Variants in CCSER1 observed in about 807,000 individuals in gnomAD.
The protein encoded by CCSER1 is coiled-coil serine rich protein 1.
In CCSER1, 41 loss-of-function variants were observed where a neutral mutation model predicts 82.0. The observed-to-expected ratio is 0.50, with a 90% CI of 0.39 to 0.65. The LOEUF (loss-of-function observed/expected upper bound fraction) is 0.65, where lower values mean the gene tolerates loss of function less well. Among genes scored for constraint, CCSER1 ranks in the 30% least tolerant of loss-of-function variants. CCSER1 has a pLI of 0.00. For missense variants in CCSER1, 1,119 were observed against 1,064.2 expected (o/e 1.05, Z -0.72); for synonymous variants, 414 against 383.9 (o/e 1.08, Z -0.92).
intron 10 of CCSER1, among the ~76,000 whole-genome samples, chr4:91,166,035 C>T (rs538281414): frequency 2.0e-5 from 3 of 152,236 alleles, no homozygotes; most frequent in African/African-American, 7.2e-5. Context: ...ATCTGTAGAT[C>T]GGATCTGTTC....
In CCSER1 at chr4:90,798,805, T is replaced by A. The variant is rs957901415; in HGVS notation, c.2011-16957T>A. ...GTGCTCTCACTCTGGGGGCTTGTAT[T>A]AAGCCCTGACTTTGTTCTCTTGGCT... On this transcript the variant is annotated intron_variant, in intron 7 of 10. Transcript: ENST00000509176. 3.3e-5 allele frequency among the ~76,000 whole-genome samples: 5 copies of A among 152,294 alleles called. No individual in the cohort carries two copies. In the East Asian group the frequency reaches 9.7e-4, roughly 29 times the overall value.
At chr4:90,623,118 C>T (rs890339725) in intron 5 of CCSER1, among the ~76,000 whole-genome samples, 3 of 151,594 alleles carry the variant, frequency 2.0e-5, no homozygotes, top group African/African-American at 7.3e-5. Flanking sequence ...AGCTTCGCCC[C>T]CCAGGTTCAC....
chr4:90,644,768 T>G (rs911352106), intron 6 of CCSER1, among the ~76,000 whole-genome samples: 1 of 151,958 alleles, frequency 6.6e-6, no homozygotes, highest in African/African-American at 2.4e-5. Flanking sequence ...GGCTTCCAGC[T>G]CCATCTATGT....
chr4:90,298,863 G>A (rs1225213026), intron 1 of CCSER1, among the ~76,000 whole-genome samples: 6 of 152,124 alleles, frequency 3.9e-5, no homozygotes, highest in South Asian at 4.1e-4. Flanking sequence ...ACATGGAACC[G>A]TAAGATTATT....
At chr4:90,647,499 A>G (rs971988942) in intron 6 of CCSER1, among the ~76,000 whole-genome samples, 1 of 152,172 alleles carries the variant, frequency 6.6e-6, no homozygotes, top group African/African-American at 2.4e-5. Context: ...TTAAAACATA[A>G]AACTAGAAAT....
At chr4:91,165,931 G>T (rs1248666181) in intron 10 of CCSER1, among the ~76,000 whole-genome samples, 2 of 152,194 alleles carry the variant, frequency 1.3e-5, no homozygotes, top group Non-Finnish European at 2.9e-5. Context: ...CCCTCCATGG[G>T]CTGCACCTAC....
intron 5 of CCSER1, among the ~76,000 whole-genome samples, chr4:90,507,318 AC>A (rs922561248): frequency 1.3e-5 from 2 of 151,970 alleles, no homozygotes; most frequent in Non-Finnish European, 2.9e-5. Flanking sequence ...AAAAAAAAAA[AC>A]AATAAGAGGC....
intron 1 of CCSER1, among the ~76,000 whole-genome samples, chr4:90,189,991 T>C (rs773860857): frequency 1.3e-5 from 2 of 152,000 alleles, no homozygotes; most frequent in African/African-American, 2.4e-5. Context: ...AATATCTACT[T>C]GCATTTTGTT....
At chr4:90,359,831 A>T (rs1744988309) in intron 3 of CCSER1, among the ~76,000 whole-genome samples, 1 of 150,710 alleles carries the variant, frequency 6.6e-6, no homozygotes, top group Non-Finnish European at 1.5e-5. Flanking sequence ...ATATGTGTAT[A>T]TATATGTGTA....
intron 9 of CCSER1, among the ~76,000 whole-genome samples, chr4:91,030,912 G>T (rs1423733024): frequency 6.6e-6 from 1 of 152,024 alleles, no homozygotes; most frequent in Non-Finnish European, 1.5e-5. Flanking sequence ...TTGGTATCTG[G>T]TTAGTCACAG....
intron 4 of CCSER1, among the ~76,000 whole-genome samples, chr4:90,412,261 A>G (rs1219558863): frequency 2.1e-5 from 3 of 143,798 alleles, no homozygotes; most frequent in African/African-American, 5.2e-5. Context: ...TGGGAACTGA[A>G]CAATGAGAAC....
chr4:90,551,772 C>G (rs995361849), intron 5 of CCSER1, among the ~76,000 whole-genome samples: 7 of 146,270 alleles, frequency 4.8e-5, no homozygotes, highest in African/African-American at 7.7e-5. Flanking sequence ...AGACCCTAAG[C>G]CTTGTAAGGA....
At chr4:90,411,767 G>T (rs543548146) in intron 4 of CCSER1, among the ~76,000 whole-genome samples, 13 of 152,232 alleles carry the variant, frequency 8.5e-5, no homozygotes, top group Admixed American at 8.5e-4. Context: ...GGCAGTTCTG[G>T]CCAGGGCAAT....
In CCSER1 at chr4:90,934,285, T is replaced by C. The variant is rs891920803; in HGVS notation, c.2172+10838T>C. 5.3e-5 allele frequency among the ~76,000 whole-genome samples: 8 copies of C among 152,194 alleles called. No individual in the cohort carries two copies. The South Asian group carries it at 8.3e-4, about 16-fold the overall frequency. ...TAATTGTGACGTTATTTGTGTGTTA[T>C]AACATTTAACAACCAAATCTAATGT... On this transcript the variant is annotated intron_variant, in intron 9 of 10. Coordinates refer to ENST00000509176, the MANE Select transcript of CCSER1 (RefSeq NM_001145065.2).
intron 3 of CCSER1, among the ~76,000 whole-genome samples, chr4:90,322,648 T>C (rs1737376700): frequency 1.3e-5 from 2 of 152,232 alleles, no homozygotes; most frequent in Admixed American, 1.3e-4. Context: ...GTTTTTATTG[T>C]AGAGATCTTT....
At chr4:90,417,333 G>T (rs1755951532) in intron 4 of CCSER1, among the ~76,000 whole-genome samples, 1 of 151,520 alleles carries the variant, frequency 6.6e-6, no homozygotes. Context: ...ATTTGAAAAA[G>T]AATAAATTTC....
At chr4:91,028,731 C>G (rs747566938) in intron 9 of CCSER1, among the ~76,000 whole-genome samples, 1 of 151,646 alleles carries the variant, frequency 6.6e-6, no homozygotes, top group Non-Finnish European at 1.5e-5. Context: ...AATTAATGCT[C>G]GAAGCCCTAA....
At chr4:90,261,861 A>G (rs1724386255) in intron 1 of CCSER1, among the ~76,000 whole-genome samples, 1 of 152,014 alleles carries the variant, frequency 6.6e-6, no homozygotes, top group African/African-American at 2.4e-5. Context: ...AAGCTTTGAA[A>G]TGTTTTCTTA....
chr4:90,694,894 G>C (rs1736730561), intron 6 of CCSER1, among the ~76,000 whole-genome samples: 1 of 151,502 alleles, frequency 6.6e-6, no homozygotes, highest in Non-Finnish European at 1.5e-5. Flanking sequence ...CAATTTTACA[G>C]AGAAGAAAAG....
Sources: allele counts gnomAD v4.1 joint callset (sites outside exome capture counted in the v4.1 genomes callset), GRCh38; gene constraint gnomAD v4.1.1; transcripts MANE v1.5; gene names NCBI Gene and HGNC (gene_info 2026-07-23, HGNC 2026-07-21).